Variants in FGGY observed in about 807,000 individuals in gnomAD.
FGGY encodes FGGY carbohydrate kinase domain containing.
FGGY carries 72 observed loss-of-function variants against 71.3 expected under a neutral mutation model. The observed-to-expected ratio is 1.01, with a 90% CI of 0.84 to 1.23. The LOEUF is 1.23. FGGY is among the 50% of genes most tolerant of loss of function. FGGY has a pLI of 0.00. For synonymous variants in FGGY, 251 were observed against 250.3 expected (o/e 1.00, Z -0.02); for missense variants, 668 against 682.3 (o/e 0.98, Z 0.23).
intron 9 of FGGY, among the ~76,000 whole-genome samples, chr1:59,613,667 T>C (rs1225281427): frequency 1.3e-5 from 2 of 151,530 alleles, no homozygotes; most frequent in Non-Finnish European, 2.9e-5. Context: ...CTGAAGGAAA[T>C]AGAGACACAA....
intron 14 of FGGY, among the ~76,000 whole-genome samples, chr1:59,689,269 G>T (rs573227274): frequency 5.3e-5 from 8 of 152,270 alleles, no homozygotes; most frequent in South Asian, 4.2e-4. Flanking sequence ...TTTAGGACAG[G>T]CAGAGAAGCA....
At chr1:59,486,497 G>T in intron 6 of FGGY, among the ~76,000 whole-genome samples, 1 of 152,186 alleles carries the variant, frequency 6.6e-6, no homozygotes, top group Admixed American at 6.5e-5. Context: ...TAGTTGGTAA[G>T]ATTTGGGGAG....
At chr1:59,650,063 G>A (rs1281817478) in intron 11 of FGGY, among the ~76,000 whole-genome samples, 4 of 148,490 alleles carry the variant, frequency 2.7e-5, no homozygotes, top group Admixed American at 6.6e-5. Flanking sequence ...TTATTGATTT[G>A]CGTATATTGA....
intron 8 of FGGY, among the ~76,000 whole-genome samples, chr1:59,576,974 C>A (rs1304968800): frequency 6.6e-6 from 1 of 152,156 alleles, no homozygotes; most frequent in African/African-American, 2.4e-5. Flanking sequence ...GTTAGGCATT[C>A]ACTATCCATT....
At chr1:59,721,971 T>G (rs1026271582) in intron 14 of FGGY, among the ~76,000 whole-genome samples, 1 of 152,218 alleles carries the variant, frequency 6.6e-6, no homozygotes, top group African/African-American at 2.4e-5. Flanking sequence ...CCTTTGTTAA[T>G]TAAAGCACAT....
chr1:59,619,894 A>G (rs894468298), intron 9 of FGGY, among the ~76,000 whole-genome samples: 1 of 152,034 alleles, frequency 6.6e-6, no homozygotes, highest in Non-Finnish European at 1.5e-5. Context: ...GAGGAGGATG[A>G]TGGCATGGAG....
intron 11 of FGGY, among the ~76,000 whole-genome samples, chr1:59,647,147 G>A (rs930912080): frequency 4.6e-5 from 7 of 152,162 alleles, no homozygotes; most frequent in Non-Finnish European, 7.4e-5. Context: ...CAATGCAAAG[G>A]AACTAAGGCC....
chr1:59,441,951 A>G (rs889261549), intron 5 of FGGY, among the ~76,000 whole-genome samples: 1 of 152,038 alleles, frequency 6.6e-6, no homozygotes, highest in Admixed American at 6.6e-5. Context: ...GTGAACTCCT[A>G]CTCATATTTC....
chr1:59,510,464 A>G (rs2094492932), intron 6 of FGGY, among the ~76,000 whole-genome samples: 1 of 152,214 alleles, frequency 6.6e-6, no homozygotes, highest in African/African-American at 2.4e-5. Flanking sequence ...ACCGTATTAT[A>G]CAAAGCCAAG....
At chr1:59,435,844 G>A (rs551359996) in intron 5 of FGGY, among the ~76,000 whole-genome samples, 44 of 149,378 alleles carry the variant, frequency 2.9e-4, no homozygotes, top group African/African-American at 1.1e-3. Context: ...TTTTTGTCAC[G>A]TTCACTGCTG....
intron 14 of FGGY, among the ~76,000 whole-genome samples, chr1:59,702,054 G>T (rs2097713963): frequency 6.6e-6 from 1 of 152,122 alleles, no homozygotes; most frequent in African/African-American, 2.4e-5. Context: ...GGGGAAGCAG[G>T]CACCTTCTTT....
intron 6 of FGGY, among the ~76,000 whole-genome samples, chr1:59,478,321 T>C (rs2093346527): frequency 6.6e-6 from 1 of 152,258 alleles, no homozygotes; most frequent in African/African-American, 2.4e-5. Flanking sequence ...TGCTTGAGAA[T>C]TGACAGCATA....
At chr1:59,544,989 A>G (rs1571044582) in intron 7 of FGGY, among the ~76,000 whole-genome samples, 1 of 152,128 alleles carries the variant, frequency 6.6e-6, no homozygotes, top group Non-Finnish European at 1.5e-5. Flanking sequence ...CTTCTGCCTC[A>G]CCTGCTTTAG....
At chr1:59,641,938 T>A (rs556824164) in intron 11 of FGGY, among the ~76,000 whole-genome samples, 1 of 152,230 alleles carries the variant, frequency 6.6e-6, no homozygotes, top group South Asian at 2.1e-4. Context: ...CTGCTAATGG[T>A]TGGGTTTTTT....
At chr1:59,581,289 A>G (rs1442441832) in intron 8 of FGGY, among the ~76,000 whole-genome samples, 1 of 150,056 alleles carries the variant, frequency 6.7e-6, no homozygotes, top group Non-Finnish European at 1.5e-5. Flanking sequence ...CATGAGGGGA[A>G]ATTTAATCAG....
chr1:59,532,176 G>A (rs2095164153), intron 7 of FGGY, among the ~76,000 whole-genome samples: 1 of 152,016 alleles, frequency 6.6e-6, no homozygotes, highest in African/African-American at 2.4e-5. Flanking sequence ...AAAGAAGTGG[G>A]GATTCTAGAA....
At chr1:59,602,896 G>A (rs144207057) in intron 8 of FGGY, among the ~76,000 whole-genome samples, 1 of 152,250 alleles carries the variant, frequency 6.6e-6, no homozygotes, top group East Asian at 1.9e-4. Flanking sequence ...ACTCCCTGAG[G>A]TAAGCGACCA....
At chr1:59,597,494 T>G (rs961214712) in intron 8 of FGGY, among the ~76,000 whole-genome samples, 14 of 152,260 alleles carry the variant, frequency 9.2e-5, no homozygotes, top group South Asian at 4.1e-4. Context: ...ATCAAGATAG[T>G]GTCAAGTCTT....
intron 14 of FGGY, among the ~76,000 whole-genome samples, chr1:59,707,141 G>T (rs1044020366): frequency 6.6e-6 from 1 of 152,190 alleles, no homozygotes; most frequent in Non-Finnish European, 1.5e-5. Flanking sequence ...AACTCAGGAT[G>T]TCCATCAGGA....
Sources: gnomAD v4.1 joint callset for allele counts (sites outside exome capture counted in the v4.1 genomes callset) on GRCh38, gnomAD v4.1.1 for gene constraint, MANE v1.5 for transcripts, NCBI Gene and HGNC (gene_info 2026-07-23, HGNC 2026-07-21) for gene names.